The following WWTR1 variants were observed in gnomAD, a reference collection of about 807,000 sequenced individuals.
The protein encoded by WWTR1 is WW domain-containing transcription regulator protein 1.
WWTR1 carries 13 observed loss-of-function variants against 40.1 expected under a neutral mutation model. The observed-to-expected ratio is 0.32, with a 90% CI of 0.21 to 0.52. The LOEUF is 0.52. Ranked by LOEUF, WWTR1 falls within the 20% of genes least tolerant of loss-of-function variation. WWTR1 has a pLI of 0.97. For missense variants in WWTR1, 436 were observed against 523.1 expected, an observed-to-expected ratio of 0.83 and a Z score of 1.63; for synonymous variants, 230 against 210.1, an observed-to-expected ratio of 1.09 and a Z score of -0.82.
chr3:149,649,447 A>G (rs1476193704), intron 2 of WWTR1, among the ~76,000 whole-genome samples: 3 of 152,250 alleles, frequency 2.0e-5, no homozygotes, highest in Non-Finnish European at 4.4e-5. Context: ...TGTGCCAGGC[A>G]CTGCGCTCAG....
At chr3:149,540,302 T>C (rs1269548790) in intron 4 of WWTR1, 5 of 456,516 alleles carry the variant, frequency 1.1e-5, no homozygotes, top group Non-Finnish European at 2.2e-5. Context: ...ATATGAACCA[T>C]CAGTACTACA....
At position 149,614,924 on chromosome 3, in the gene WWTR1, A is replaced by G. The variant is rs111706025; in HGVS notation, c.432-41924T>C. 5.4e-3 allele frequency among the ~76,000 whole-genome samples: 825 copies of G among 152,232 alleles called. 4 individuals are homozygous for G. Among genetic ancestry groups the G allele is most frequent in the African/African-American group, 0.019 (798 of 41,546 alleles). On this transcript the variant is annotated intron_variant, in intron 2 of 6. Coordinates refer to ENST00000360632, the MANE Select transcript of WWTR1 (RefSeq NM_015472.6). The stretch of plus-strand genomic sequence containing the variant: ...CTTGAACCAGGGAGGTGGAGTTTAC[A>G]GTGAGCTGAGATGGCGCCATTGTAC...
At chr3:149,547,576 C>T (rs2107947860) in intron 3 of WWTR1, among the ~76,000 whole-genome samples, 1 of 151,986 alleles carries the variant, frequency 6.6e-6, no homozygotes, top group East Asian at 1.9e-4. Flanking sequence ...GTATCTGAGG[C>T]CAAGCCGGAT....
intron 2 of WWTR1, among the ~76,000 whole-genome samples, chr3:149,601,154 A>C (rs1462657274): frequency 1.3e-5 from 2 of 152,302 alleles, no homozygotes; most frequent in Admixed American, 1.3e-4. Context: ...AAAATGTATC[A>C]ATTTCAAGAG....
rs568189856 is a variant in WWTR1 at position 149,645,236 on chromosome 3, C to T, written c.431+11640G>A. Among the ~76,000 whole-genome samples, 213 of 152,266 alleles carry T rather than the reference C, an allele frequency of 1.4e-3. 1 individual carries two copies. Among genetic ancestry groups the T allele is most frequent in the African/African-American group, 3.4e-3 (141 of 41,546 alleles). ...CTGGGACTACAGGTGCCCGCCACCA[C>T]GCCTGGCTAATTTTTTGTATTTTTA... On this transcript the variant is annotated intron_variant, in intron 2 of 6. Transcript: ENST00000360632.
At chr3:149,538,212 G>A (rs1177902260) in intron 4 of WWTR1, among the ~76,000 whole-genome samples, 4 of 151,986 alleles carry the variant, frequency 2.6e-5, no homozygotes, top group Admixed American at 6.5e-5. Context: ...CAGCCACCAC[G>A]CTTAGTCAAA....
chr3:149,565,694 C>T (rs1320224557), intron 3 of WWTR1, among the ~76,000 whole-genome samples: 2 of 150,714 alleles, frequency 1.3e-5, no homozygotes, highest in African/African-American at 4.9e-5. Flanking sequence ...GGCGGATCAC[C>T]TGAGGTCAGG....
chr3:149,620,794 G>T (rs1740233968), intron 2 of WWTR1, among the ~76,000 whole-genome samples: 1 of 152,178 alleles, frequency 6.6e-6, no homozygotes, highest in Admixed American at 6.5e-5. Flanking sequence ...AATTGCATCT[G>T]CCCCACATGG....
At chr3:149,682,511 G>A (rs1347952559) in intron 1 of WWTR1, among the ~76,000 whole-genome samples, 1 of 152,136 alleles carries the variant, frequency 6.6e-6, no homozygotes, top group African/African-American at 2.4e-5. Flanking sequence ...GAGTGCTCCA[G>A]AATGAACAAA....
At position 149,557,932 on chromosome 3, in the gene WWTR1, G is replaced by A. The variant is rs981478644; in HGVS notation, c.568+14932C>T. Among the ~76,000 whole-genome samples the A allele has an allele frequency of 2.6e-5, 4 of 151,254 alleles. No individual in the cohort carries two copies. The East Asian group carries it at 5.8e-4, about 22-fold the overall frequency. ...GCACGAGAATCACTTGGACCAGGGA[G>A]GTGGATGTTGCAGTGAGCGGAGATC... On this transcript the variant is annotated intron_variant, in intron 3 of 6. Transcript: ENST00000360632.
At chr3:149,541,294 A>T (rs1736088739) in intron 4 of WWTR1, among the ~76,000 whole-genome samples, 1 of 152,246 alleles carries the variant, frequency 6.6e-6, no homozygotes, top group East Asian at 1.9e-4. Flanking sequence ...TGAAACAGGG[A>T]GAGCACTGTG....
At chr3:149,647,398 A>G (rs1030486325) in intron 2 of WWTR1, among the ~76,000 whole-genome samples, 10 of 152,226 alleles carry the variant, frequency 6.6e-5, no homozygotes, top group Non-Finnish European at 1.2e-4. Flanking sequence ...CAGGCAGGGC[A>G]TCCTCAGGGA....
intron 4 of WWTR1, among the ~76,000 whole-genome samples, 169 bp downstream of exon 4, chr3:149,542,166 G>T (rs1736134585): frequency 6.6e-6 from 1 of 152,186 alleles, no homozygotes; most frequent in Non-Finnish European, 1.5e-5. Flanking sequence ...AAGGCAGGCA[G>T]AACACTGAGA....
chr3:149,550,309 A>G (rs1174041990), intron 3 of WWTR1, among the ~76,000 whole-genome samples: 1 of 152,208 alleles, frequency 6.6e-6, no homozygotes, highest in Admixed American at 6.5e-5. Flanking sequence ...TCCCTGGTCT[A>G]ATAAGACTGG....
At position 149,679,645 on chromosome 3, in the gene WWTR1, G is replaced by GA. The variant is rs62987560; in HGVS notation, c.-107-9755dup. Among the ~76,000 whole-genome samples, 494 of 144,296 alleles carry GA rather than the reference G, an allele frequency of 3.4e-3. 6 individuals carry two copies. The highest frequency in any genetic ancestry group is 6.2e-3 in the Admixed American group (90 of 14,564). 94.7% of individuals were successfully genotyped at this position (144,296 alleles called of 152,430 possible). ...GGAAAGAGAACAGATGGAATGGTGG[G>GA]AAAAAAAAAAAAAGTAAAATGCCAA... On this transcript the variant is annotated intron_variant, in intron 1 of 7. Coordinates refer to the WWTR1 transcript ENST00000465804.
chr3:149,550,769 G>A (rs1736583964), intron 3 of WWTR1, among the ~76,000 whole-genome samples: 1 of 111,446 alleles, frequency 9.0e-6, no homozygotes, highest in African/African-American at 3.7e-5. Context: ...AAGACTGCTT[G>A]AATATCTGCT....
chr3:149,684,219 G>C (rs764520292), intron 1 of WWTR1, among the ~76,000 whole-genome samples: 1 of 151,740 alleles, frequency 6.6e-6, no homozygotes, highest in Non-Finnish European at 1.5e-5. Flanking sequence ...ACAGGGTCTC[G>C]CTATGTTGCC....
intron 6 of WWTR1, 33 bp downstream of exon 6, chr3:149,525,980 C>A (rs753506363): frequency 7.6e-7 from 1 of 1,322,324 alleles, no homozygotes; most frequent in Non-Finnish European, 1.0e-6. Flanking sequence ...AAAACACAAA[C>A]CCATTGTAAG....
chr3:149,530,737 G>A (rs6440620), intron 4 of WWTR1, among the ~76,000 whole-genome samples: 144,343 of 152,192 alleles, frequency 0.95, 68,503 homozygotes, highest in East Asian at 1. Context: ...TGTTCCATCT[G>A]TTCTAAATCA....
Sources: gnomAD v4.1 joint callset for allele counts (sites outside exome capture counted in the v4.1 genomes callset) on GRCh38, gnomAD v4.1.1 for gene constraint, MANE v1.5 for transcripts, NCBI Gene and HGNC (gene_info 2026-07-23, HGNC 2026-07-21) for gene names.